The following SPINT4 variants were observed in gnomAD, a reference collection of about 807,000 sequenced individuals.
The protein encoded by SPINT4 is serine peptidase inhibitor, Kunitz type 4.
Under a neutral mutation model 9.4 loss-of-function variants are expected in SPINT4, and 7 were observed. The ratio of observed to expected loss-of-function variants is 0.74; its 90% CI spans 0.42 to 1.40. The LOEUF (loss-of-function observed/expected upper bound fraction) is 1.40, where lower values mean the gene tolerates loss of function less well. Ranked by LOEUF, SPINT4 falls within the 40% of genes most tolerant of loss-of-function variation. The pLI, the probability that SPINT4 is intolerant of heterozygous loss-of-function variation, is 0.01. For missense variants in SPINT4, 105 were observed against 114.4 expected (o/e 0.92, Z 0.37); for synonymous variants, 36 against 39.9 (o/e 0.90, Z 0.37).
Position 45,724,529 on chromosome 20 carries a change from A to C in SPINT4, c.293+472A>C, listed in dbSNP as rs1334330117. ...ACTCCATCTAAAAAAAAAAAAAAAA[A>C]AAAACCACATTTGGGTGGGCTGTCA... On this transcript the variant is annotated intron_variant, in intron 2 of 2. Transcript: ENST00000279058. Among the ~76,000 whole-genome samples the C allele has an allele frequency of 3.2e-5, 4 of 123,420 alleles. 1 individual carries two copies. The highest frequency in any genetic ancestry group is 3.1e-4 in the Admixed American group (4 of 13,054). 81.0% of individuals were successfully genotyped at this position (123,420 alleles called of 152,430 possible).
Position 45,722,366 on chromosome 20 carries a change from C to G in SPINT4, c.-2C>G, listed in dbSNP as rs745727990. 1 of 1,604,366 alleles carries G rather than the reference C, an allele frequency of 6.2e-7. No homozygotes were observed. Among genetic ancestry groups the G allele is most frequent in the African/African-American group, 1.3e-5 (1 of 74,904 alleles). On this transcript the variant is annotated 5_prime_UTR_variant, in exon 1 of 3. Transcript: ENST00000279058. ...ACTATCCTGCCTGCTGCTTGCTGCA[C>G]CATGAAGTCTGCCAAGCTGGGATTT...
At chr20:45,723,747 C>G in intron 1 of SPINT4, 133 bp from the exon 2 acceptor site, 1 of 726,286 alleles carries the variant, frequency 1.4e-6, no homozygotes, top group Non-Finnish European at 2.2e-6. Flanking sequence ...AAGAGAAAAC[C>G]ACATCTTTCA....
In SPINT4 at chr20:45,725,478, G is replaced by A. The variant is rs77211913; in HGVS notation, c.294-151G>A. On this transcript the variant is annotated intron_variant, in intron 2 of 2. Coordinates refer to ENST00000279058, the MANE Select transcript of SPINT4 (RefSeq NM_178455.3). ...GATTAAGTGTTAAGTGAATGAAAAA[G>A]TGAAAGATTAATCAATAAAATAAGG... 8.3e-4 allele frequency: 677 copies of A among 814,374 alleles called. 6 individuals carry two copies. The highest frequency in any genetic ancestry group is 8.2e-3 in the African/African-American group (481 of 58,522). The allele number at this position is 814,374 out of a possible 1,614,324, so 50.4% of individuals were successfully genotyped here.
intron 2 of SPINT4, 44 bp downstream of exon 2, chr20:45,724,101 G>A (rs1487317): frequency 0.39 from 611,073 of 1,554,138 alleles, 127,950 homozygotes; most frequent in African/African-American, 0.68. Flanking sequence ...GGTAGTAAAA[G>A]AAGAGGTTTT....
At chr20:45,725,554 G>C in intron 2 of SPINT4, 75 bp from the exon 3 acceptor site, 1 of 1,518,490 alleles carries the variant, frequency 6.6e-7, no homozygotes, top group Non-Finnish European at 9.2e-7. Context: ...GATAAAAAAT[G>C]ACCTGCATTA....
At chr20:45,722,968 A>G (rs2145654698) in intron 1 of SPINT4, among the ~76,000 whole-genome samples, 1 of 152,240 alleles carries the variant, frequency 6.6e-6, no homozygotes, top group African/African-American at 2.4e-5. Context: ...GTGAAGGCTC[A>G]GCGCTTCCAG....
rs200862274 is a variant in SPINT4 at position 45,723,995 on chromosome 20, C to G, written c.231C>G (p.Asn77Lys). The G allele has an allele frequency of 1.2e-6, 2 of 1,610,144 alleles. No individual in the cohort carries two copies. The highest frequency in any genetic ancestry group is 1.7e-6 in the Non-Finnish European group (2 of 1,178,922). ...ETFVFSGCNGNLNNFKLKIER... is the reference protein window; with the variant it reads ...ETFVFSGCNGKLNNFKLKIER... ...TTGTCTTCTCCGGCTGTAATGGCAACCTTAACAACTTCAAGCTTAAAATAG... is the reference window on the plus strand; with the variant it reads ...TTGTCTTCTCCGGCTGTAATGGCAAGCTTAACAACTTCAAGCTTAAAATAG... Residue 77 changes from asparagine to lysine, a missense_variant, in exon 2 of 3, where the codon AAC becomes AAG. By Grantham distance (94) the Asn-to-Lys change is moderately conservative (BLOSUM62 0). Coordinates refer to ENST00000279058, the MANE Select transcript of SPINT4 (RefSeq NM_178455.3).
In SPINT4 at chr20:45,724,085, C is replaced by T. The variant is rs573701076; in HGVS notation, c.293+28C>T. ...AAGGAATCTAATCCTGTCCTTGGTC[C>T]TTGGGGGTAGTAAAAGAAGAGGTTT... On this transcript the variant is annotated intron_variant, in intron 2 of 2. Coordinates refer to ENST00000279058, the MANE Select transcript of SPINT4 (RefSeq NM_178455.3). The T allele has an allele frequency of 7.8e-5, 123 of 1,572,146 alleles. No homozygotes were observed. The East Asian group carries it at 1.4e-3, about 17-fold the overall frequency.
At chr20:45,724,719 G>A (rs1353422662) in intron 2 of SPINT4, among the ~76,000 whole-genome samples, 6 of 150,162 alleles carry the variant, frequency 4.0e-5, no homozygotes, top group East Asian at 2.0e-4. Flanking sequence ...GGTGGCTCAC[G>A]CCTGTAATCC....
intron 2 of SPINT4, among the ~76,000 whole-genome samples, chr20:45,724,995 A>AAAAAAAAAAAAAAATAT (rs1387842262): frequency 2.7e-5 from 1 of 36,424 alleles, no homozygotes; most frequent in African/African-American, 1.9e-4. Flanking sequence ...AAAAAAAAAA[A>AAAAAAAAAAAAAAATAT]ATATATATAT....
At chr20:45,723,811 C>A in intron 1 of SPINT4, 69 bp from the exon 2 acceptor site, 1 of 1,304,214 alleles carries the variant, frequency 7.7e-7, no homozygotes, top group Non-Finnish European at 1.0e-6. Context: ...TTTTAAGGGC[C>A]CATAAAGACA....
chr20:45,723,820 C>A (rs954586926), intron 1 of SPINT4, 60 bp from the exon 2 acceptor site: 2 of 1,404,184 alleles, frequency 1.4e-6, no homozygotes, highest in Middle Eastern at 1.8e-4. Context: ...CCCATAAAGA[C>A]AAGTTCTCCT....
intron 2 of SPINT4, 109 bp from the exon 3 acceptor site, chr20:45,725,520 A>G (rs970947210): frequency 9.2e-7 from 1 of 1,081,922 alleles, no homozygotes; most frequent in Non-Finnish European, 1.4e-6. Flanking sequence ...TTGAGATAGA[A>G]GGCATCCTCT....
chr20:45,724,997 T>A (rs6073867), intron 2 of SPINT4, among the ~76,000 whole-genome samples: 4,185 of 54,132 alleles, frequency 0.077, 269 homozygotes, highest in East Asian at 0.18. Flanking sequence ...AAAAAAAAAA[T>A]ATATATATAT....
intron 1 of SPINT4, 88 bp downstream of exon 1, chr20:45,722,570 C>A: frequency 1.0e-6 from 1 of 954,370 alleles, no homozygotes; most frequent in Non-Finnish European, 1.7e-6. Flanking sequence ...TCTAGGTAGT[C>A]CAGGAAGGTC....
rs1984821907 is a variant in SPINT4 at position 45,722,485 on chromosome 20, A to G, written c.115+3A>G. Reference sequence around the variant, plus strand: ...GAAGATATGTGGAGACCTCAAAGGTATGAAGCTAAGGCAGAAAATAAATCC... The same window carrying G: ...GAAGATATGTGGAGACCTCAAAGGTGTGAAGCTAAGGCAGAAAATAAATCC... On this transcript the variant is annotated splice_donor_region_variant and intron_variant, in intron 1 of 2. Transcript: ENST00000279058. 1 of 1,590,584 alleles carries G rather than the reference A, an allele frequency of 6.3e-7. No individual in the cohort carries two copies. Among genetic ancestry groups the G allele is most frequent in the Non-Finnish European group, 8.6e-7 (1 of 1,158,382 alleles).
intron 2 of SPINT4, among the ~76,000 whole-genome samples, chr20:45,724,745 C>T (rs964192704): frequency 2.4e-4 from 36 of 149,908 alleles, no homozygotes; most frequent in Admixed American, 1.1e-3. Flanking sequence ...CTTTGAGAGG[C>T]CGAGGTGGGC....
rs1195896962 is a variant in SPINT4 at position 45,723,893 on chromosome 20, G to A, written c.129G>A (p.Leu43=). The change falls in exon 2 of 3, where the codon TTG becomes TTA. Residue 43 remains leucine, a synonymous_variant. Coordinates refer to ENST00000279058, the MANE Select transcript of SPINT4 (RefSeq NM_178455.3). ...CCTCTCATGCAGATCCCTGCAAATT[G>A]GACATGAATTTTGGAAGCTGCTATG... is the stretch of plus-strand genomic sequence containing the variant. ...ICGDLKDPCK[L]DMNFGSCYEV... is the part of the protein sequence containing the mutation. 1.3e-6 allele frequency: 2 copies of A among 1,590,942 alleles called. No homozygotes were observed. The highest frequency in any genetic ancestry group is 3.7e-5 in the Admixed American group (2 of 53,900).
chr20:45,724,979 C>CAAAAAAAAAAAAA (rs1168670011), intron 2 of SPINT4, among the ~76,000 whole-genome samples: 2 of 27,182 alleles, frequency 7.4e-5, no homozygotes, highest in Non-Finnish European at 1.1e-4. Context: ...GACTCCATCT[C>CAAAAAAAAAAAAA]AAAAAAAAAA....
Sources: gnomAD v4.1 joint callset for allele counts (sites outside exome capture counted in the v4.1 genomes callset) on GRCh38, gnomAD v4.1.1 for gene constraint, MANE v1.5 for transcripts, NCBI Gene and HGNC (gene_info 2026-07-23, HGNC 2026-07-21) for gene names.